Variants in SLC9A6 observed in about 807,000 individuals in gnomAD.
The protein encoded by SLC9A6 is sodium/hydrogen exchanger 6.
In SLC9A6, 6 loss-of-function variants were observed where a neutral mutation model predicts 45.3. The ratio of observed to expected loss-of-function variants is 0.13; its 90% CI spans 0.07 to 0.26. The LOEUF is 0.26. Among genes scored for constraint, SLC9A6 ranks in the 10% least tolerant of loss-of-function variants. The pLI, the probability that SLC9A6 is intolerant of heterozygous loss-of-function variation, is 1.00. For synonymous variants in SLC9A6, 191 were observed against 187.7 expected (o/e 1.02, Z -0.14); for missense variants, 278 against 503.7 (o/e 0.55, Z 4.29).
At chrX:136,009,578 C>T (rs2070880117) in intron 7 of SLC9A6, among the ~76,000 whole-genome samples, 1 of 112,220 alleles carries the variant, frequency 8.9e-6, no homozygotes, top group Non-Finnish European at 1.9e-5. Flanking sequence ...TTTTATAATG[C>T]TGGTCTCTCA....
intron 11 of SLC9A6, among the ~76,000 whole-genome samples, chrX:136,017,976 A>G (rs2071052849): frequency 8.9e-6 from 1 of 111,839 alleles, no homozygotes; most frequent in Non-Finnish European, 1.9e-5. Flanking sequence ...ATATCTCCAT[A>G]GGGCAGCTTA....
Position 136,001,774 on chromosome X carries a change from T to C in SLC9A6, c.638-334T>C, listed in dbSNP as rs189135317. On this transcript the variant is annotated intron_variant, in intron 6 of 17. Coordinates refer to ENST00000630721, the MANE Select transcript of SLC9A6 (RefSeq NM_001379110.1). Reference sequence around the variant, plus strand: ...TCTTCATTAAAGATTAATGACTACATGGTCTATAAGAAATTCTGAATATAT... The same window carrying C: ...TCTTCATTAAAGATTAATGACTACACGGTCTATAAGAAATTCTGAATATAT... Among the ~76,000 whole-genome samples, 4 of 112,288 alleles carry C rather than the reference T, an allele frequency of 3.6e-5. No homozygotes were observed. The East Asian group carries it at 1.1e-3, about 31-fold the overall frequency.
chrX:136,043,731 T>C (rs1254750683), intron 17 of SLC9A6, among the ~76,000 whole-genome samples: 6 of 112,565 alleles, frequency 5.3e-5, no homozygotes, highest in African/African-American at 1.9e-4. Context: ...ACACATTTTT[T>C]ATTTGCCAAT....
chrX:136,010,728 C>T, intron 8 of SLC9A6, 145 bp downstream of exon 8: 1 of 561,198 alleles, frequency 1.8e-6, no homozygotes, highest in Non-Finnish European at 2.9e-6. Context: ...AAACATTAAG[C>T]AACAGTCTTT....
upstream of SLC9A6, chrX:135,973,900 C>G: frequency 8.7e-7 from 1 of 1,150,044 alleles, no homozygotes; most frequent in South Asian, 1.9e-5. Context: ...ACCCACGAAC[C>G]TGCGCTATGG....
intron 11 of SLC9A6, among the ~76,000 whole-genome samples, chrX:136,017,293 C>T (rs1028528052): frequency 9.1e-6 from 1 of 110,331 alleles, no homozygotes; most frequent in African/African-American, 3.3e-5. Flanking sequence ...TGGTTCATGC[C>T]TGTAGTCTAA....
chrX:136,021,035 A>AACCC (rs1556619886), intron 11 of SLC9A6, among the ~76,000 whole-genome samples: 1 of 110,518 alleles, frequency 9.0e-6, no homozygotes, highest in Non-Finnish European at 1.9e-5. Context: ...GCTCAGTGTT[A>AACCC]CTTGGTGTCT....
intron 3 of SLC9A6, among the ~76,000 whole-genome samples, chrX:135,996,553 C>G (rs1289390304): frequency 9.0e-6 from 1 of 111,186 alleles, no homozygotes; most frequent in African/African-American, 3.3e-5. Context: ...TTTATGGTGA[C>G]TAGGTCTTAA....
chrX:136,010,350 C>T lies in SLC9A6; in HGVS notation c.744-92C>T, dbSNP rs180889581. Reference sequence around the variant, plus strand: ...CAATCGAAAGCTTGTTTTTCTTCTCCCTCTAATTTCATCTTTCAAGCTCTA... The same window carrying T: ...CAATCGAAAGCTTGTTTTTCTTCTCTCTCTAATTTCATCTTTCAAGCTCTA... On this transcript the variant is annotated intron_variant, in intron 7 of 17. Transcript: ENST00000630721. The T allele has an allele frequency of 3.8e-4, 375 of 991,084 alleles. 3 individuals are homozygous for T. The African/African-American group carries it at 5.8e-3, about 15-fold the overall frequency. 81.7% of individuals were successfully genotyped at this position (991,084 alleles called of 1,213,427 possible). A position where few individuals can be genotyped will look rare whatever the true frequency, so the allele number is the denominator to read the frequency against.
At chrX:136,017,974 A>G (rs2071052767) in intron 11 of SLC9A6, among the ~76,000 whole-genome samples, 1 of 111,811 alleles carries the variant, frequency 8.9e-6, no homozygotes, top group Middle Eastern at 4.2e-3. Flanking sequence ...GGATATCTCC[A>G]TAGGGCAGCT....
intron 16 of SLC9A6, among the ~76,000 whole-genome samples, chrX:136,038,352 T>C (rs191341265): frequency 8.9e-6 from 1 of 112,500 alleles, no homozygotes; most frequent in African/African-American, 3.2e-5. Context: ...TGATTGATTG[T>C]TTGAATGTTA....
At chrX:136,035,113 C>T (rs186873376) in intron 16 of SLC9A6, among the ~76,000 whole-genome samples, 2 of 112,019 alleles carry the variant, frequency 1.8e-5, no homozygotes, top group East Asian at 5.6e-4. Context: ...AAGTCCTACT[C>T]AATGAAGACC....
In SLC9A6 at chrX:136,012,053, G is replaced by T. The variant is rs782281938; in HGVS notation, c.886-896G>T. ...TGCAGTGAGCCGAGATGGTGCCACT[G>T]CACTCCAGCCTGGGCGACAGTGCGA... On this transcript the variant is annotated intron_variant, in intron 8 of 17. Transcript: ENST00000630721. 1.6e-4 allele frequency among the ~76,000 whole-genome samples: 18 copies of T among 112,711 alleles called. No homozygotes were observed. The East Asian group carries it at 4.8e-3, about 30-fold the overall frequency.
intron 16 of SLC9A6, among the ~76,000 whole-genome samples, chrX:136,039,181 T>G (rs138387685): frequency 7.0e-4 from 76 of 108,863 alleles, no homozygotes; most frequent in African/African-American, 2.5e-3. Context: ...CCTAGCAACA[T>G]AGCGAGACCC....
intron 7 of SLC9A6, among the ~76,000 whole-genome samples, chrX:136,006,299 G>GT (rs1195711569): frequency 9.5e-4 from 99 of 104,103 alleles, no homozygotes; most frequent in East Asian, 5.9e-3. Context: ...TTTCTGTCTG[G>GT]TTTTTTTTTT....
intron 15 of SLC9A6, among the ~76,000 whole-genome samples, chrX:136,031,255 T>C (rs1381296485): frequency 8.9e-6 from 1 of 112,460 alleles, no homozygotes; most frequent in Non-Finnish European, 1.9e-5. Flanking sequence ...AAAAGACAAA[T>C]GCTCGATCAC....
intron 16 of SLC9A6, 147 bp from the exon 17 acceptor site, chrX:136,039,929 C>T (rs1221694784): frequency 3.9e-6 from 2 of 513,275 alleles, no homozygotes; most frequent in East Asian, 7.3e-5. Context: ...TCACTGCCAT[C>T]ATGTGAGGAG....
chrX:136,000,659 C>T (rs895825553), intron 6 of SLC9A6, among the ~76,000 whole-genome samples: 1 of 112,051 alleles, frequency 8.9e-6, no homozygotes, highest in Non-Finnish European at 1.9e-5. Context: ...TATGTAAGTA[C>T]TTGCCCCATT....
chrX:136,024,708 A>G (rs1556620396), intron 13 of SLC9A6, among the ~76,000 whole-genome samples: 1 of 112,062 alleles, frequency 8.9e-6, no homozygotes, highest in Non-Finnish European at 1.9e-5. Context: ...TACATGATAT[A>G]TATTTTTGAC....
Sources: allele counts gnomAD v4.1 joint callset (sites outside exome capture counted in the v4.1 genomes callset), GRCh38; gene constraint gnomAD v4.1.1; transcripts MANE v1.5; gene names NCBI Gene and HGNC (gene_info 2026-07-23, HGNC 2026-07-21).